Variants in PADI6 observed in about 807,000 individuals in gnomAD.
PADI6 encodes the protein peptidyl arginine deiminase 6.
Under a neutral mutation model 78.2 loss-of-function variants are expected in PADI6, and 66 were observed. The ratio of observed to expected loss-of-function variants is 0.84; its 90% confidence interval spans 0.69 to 1.04. PADI6 has a LOEUF of 1.04. Ranked by LOEUF, PADI6 falls within the 50% of genes least tolerant of loss-of-function variation. PADI6 has a pLI of 0.00. For synonymous variants in PADI6, 397 were observed against 346.9 expected, an observed-to-expected ratio of 1.14 and a Z score of -1.60; for missense variants, 854 against 866.1, an observed-to-expected ratio of 0.99 and a Z score of 0.18.
At chr1:17,382,802 T>C (rs1334351470) in intron 6 of PADI6, among the ~76,000 whole-genome samples, 1 of 152,194 alleles carries the variant, frequency 6.6e-6, no homozygotes, top group Non-Finnish European at 1.5e-5. Context: ...TTTTTCCCCT[T>C]TGAGTCAAGG....
intron 6 of PADI6, among the ~76,000 whole-genome samples, chr1:17,384,619 A>G (rs2075103169): frequency 1.3e-5 from 2 of 152,058 alleles, no homozygotes; most frequent in Admixed American, 6.6e-5. Flanking sequence ...TTAGCTTGTA[A>G]TCCTAGCTAC....
intron 6 of PADI6, 101 bp from the exon 7 acceptor site, chr1:17,388,280 G>A: frequency 8.7e-7 from 1 of 1,143,128 alleles, no homozygotes; most frequent in Non-Finnish European, 1.2e-6. Flanking sequence ...GGAACTCACA[G>A]CCTTGCATCT....
Position 17,398,674 on chromosome 1 carries a change from A to ACCCCCCCCCC in PADI6, c.1690-9_1690-8insCCCCCCCCCC. ...CCCCCGCCCCCCCCCCCACCCACCC[A>ACCCCCCCCCC]CCCACCCACAGAAGTGCATTCACCT... On this transcript the variant is annotated splice_polypyrimidine_tract_variant and intron_variant, in intron 14 of 15. Transcript: ENST00000619609. 1 of 93,246 alleles carries ACCCCCCCCCC rather than the reference A, an allele frequency of 1.1e-5. No homozygotes were observed. The highest frequency in any genetic ancestry group is 2.1e-5 in the Non-Finnish European group (1 of 48,702). 5.8% of individuals were successfully genotyped at this position (93,246 alleles called of 1,614,324 possible).
At chr1:17,396,565 A>T (rs1399418550) in intron 13 of PADI6, among the ~76,000 whole-genome samples, 1 of 152,050 alleles carries the variant, frequency 6.6e-6, no homozygotes, top group Non-Finnish European at 1.5e-5. Context: ...GGGCCCGGGA[A>T]CTCCTGGTCA....
chr1:17,386,578 T>C (rs1442591846), intron 6 of PADI6, among the ~76,000 whole-genome samples: 1 of 152,162 alleles, frequency 6.6e-6, no homozygotes, highest in Non-Finnish European at 1.5e-5. Flanking sequence ...CAGGGGTTCC[T>C]GGGGGAAGAC....
At chr1:17,382,443 T>G (rs2075082063) in intron 6 of PADI6, among the ~76,000 whole-genome samples, 1 of 152,176 alleles carries the variant, frequency 6.6e-6, no homozygotes, top group Non-Finnish European at 1.5e-5. Flanking sequence ...GTGACTCCTC[T>G]CAGGAGAATC....
At chr1:17,398,178 A>C (rs544005297) in intron 14 of PADI6, among the ~76,000 whole-genome samples, 1 of 152,304 alleles carries the variant, frequency 6.6e-6, no homozygotes, top group African/African-American at 2.4e-5. Flanking sequence ...GGAATGTTCT[A>C]TGCCCCGCAC....
chr1:17,394,032 G>A lies in PADI6; in HGVS notation c.1132G>A (p.Asp378Asn), dbSNP rs756745193. Residue 378 changes from aspartate (D) to asparagine (N), a missense_variant, in exon 10 of 16, where the codon GAC (aspartate) becomes AAC (asparagine). By Grantham distance (23) the Asp-to-Asn change is conservative. Transcript: ENST00000619609. ...CCACAAGACAACGTCCTTGATCCTC[G>A]ACACACCTCAGGCCGCCGATCTCGA... Reference protein sequence around the residue: ...APHKTTSLILDTPQAADLDEF... With the variant: ...APHKTTSLILNTPQAADLDEF... 4 of 1,613,692 alleles carry A rather than the reference G, an allele frequency of 2.5e-6. No homozygotes were observed. The highest frequency in any genetic ancestry group is 3.3e-5 in the Admixed American group (2 of 59,978).
Position 17,401,484 on chromosome 1 carries a change from A to T in PADI6, c.*46A>T, listed in dbSNP as rs1254927513. The stretch of plus-strand genomic sequence containing the variant: ...AGCTCTGCCCCAGCGTGGATGGCCC[A>T]CTGTCACCATGCAACAGCATGATTC... On this transcript the variant is annotated 3_prime_UTR_variant, in exon 16 of 16. Coordinates refer to ENST00000619609, the MANE Select transcript of PADI6 (RefSeq NM_207421.4). 5.3e-6 allele frequency: 8 copies of T among 1,502,732 alleles called. No homozygotes were observed. The highest frequency in any genetic ancestry group is 1.2e-5 in the South Asian group (1 of 86,398). 93.1% of individuals were successfully genotyped at this position (1,502,732 alleles called of 1,614,324 possible).
intron 3 of PADI6, among the ~76,000 whole-genome samples, chr1:17,378,520 G>A (rs1218640190): frequency 6.6e-6 from 1 of 152,228 alleles, no homozygotes; most frequent in Non-Finnish European, 1.5e-5. Context: ...TGTGGTGGAA[G>A]GGATGGGAGG....
Position 17,375,502 on chromosome 1 carries a change from G to A in PADI6, c.367+3G>A, listed in dbSNP as rs1305259907. The A allele has an allele frequency of 4.4e-6, 7 of 1,602,182 alleles. No individual in the cohort carries two copies. Among genetic ancestry groups the A allele is most frequent in the Non-Finnish European group, 6.0e-6 (7 of 1,174,306 alleles). On this transcript the variant is annotated splice_donor_region_variant and intron_variant, in intron 3 of 15. Transcript: ENST00000619609. ...TGTGCTGTACCTCACTGGCATTGGT[G>A]AGTGTTGCTCCAACTGGGAGCCTGG...
intron 6 of PADI6, among the ~76,000 whole-genome samples, chr1:17,387,252 T>TG (rs2075128948): frequency 6.6e-6 from 1 of 151,934 alleles, no homozygotes; most frequent in Admixed American, 6.6e-5. Flanking sequence ...GAGACTGGCC[T>TG]GGGCAATGTG....
At chr1:17,382,991 C>T (rs1053261701) in intron 6 of PADI6, among the ~76,000 whole-genome samples, 3 of 152,204 alleles carry the variant, frequency 2.0e-5, no homozygotes, top group Non-Finnish European at 4.4e-5. Context: ...TCACTTTGCC[C>T]AGACTGGTTT....
Position 17,401,379 on chromosome 1 carries a change from G to GC in PADI6, c.2028dup (p.Cys677LeufsTer42). The GC allele has an allele frequency of 6.2e-7, 1 of 1,614,052 alleles. No individual in the cohort carries two copies. The highest frequency in any genetic ancestry group is 8.5e-7 in the Non-Finnish European group (1 of 1,179,904). ...CCTGACAGAGGTCGGAGACATCTGTGCCTGTGCCAACATCCGCCGGGTGCC... is the reference window on the plus strand; with the variant it reads ...CCTGACAGAGGTCGGAGACATCTGTGCCCTGTGCCAACATCCGCCGGGTGCC... On this transcript the variant is annotated frameshift_variant, in exon 16 of 16. Coordinates refer to ENST00000619609, the MANE Select transcript of PADI6 (RefSeq NM_207421.4). LOFTEE classifies it high-confidence loss of function.
intron 6 of PADI6, among the ~76,000 whole-genome samples, chr1:17,383,583 C>T (rs978401008): frequency 1.3e-5 from 2 of 152,254 alleles, no homozygotes; most frequent in Admixed American, 6.5e-5. Flanking sequence ...CGTGGTGGCT[C>T]ATGCCTCTAA....
At chr1:17,385,112 C>G (rs1374187457) in intron 6 of PADI6, among the ~76,000 whole-genome samples, 1 of 152,180 alleles carries the variant, frequency 6.6e-6, no homozygotes, top group African/African-American at 2.4e-5. Context: ...GTAATCCCAG[C>G]ACTTTGGGAG....
intron 10 of PADI6, 90 bp downstream of exon 10, chr1:17,394,172 G>A: frequency 3.9e-6 from 6 of 1,526,158 alleles, no homozygotes; most frequent in Admixed American, 1.9e-5. Context: ...AGTGGGGAGA[G>A]GGCCCAGGTG....
intron 2 of PADI6, among the ~76,000 whole-genome samples, chr1:17,373,491 T>G (rs1171088973): frequency 7.8e-6 from 1 of 128,158 alleles, no homozygotes; most frequent in Non-Finnish European, 1.6e-5. Context: ...TTATTTTCAT[T>G]TATTTATTAT....
chr1:17,374,239 T>A (rs1436671161), intron 2 of PADI6, among the ~76,000 whole-genome samples: 1 of 151,994 alleles, frequency 6.6e-6, no homozygotes. Flanking sequence ...ACTGGAGATG[T>A]CTGCTGCAGA....
Sources: allele counts gnomAD v4.1 joint callset (sites outside exome capture counted in the v4.1 genomes callset), GRCh38; gene constraint gnomAD v4.1.1; transcripts MANE v1.5; gene names NCBI Gene and HGNC (gene_info 2026-07-23, HGNC 2026-07-21).